CTNNA3: variants seen among roughly 807,000 people sequenced by gnomAD.
The protein encoded by CTNNA3 is catenin alpha-3.
In CTNNA3, 76 loss-of-function variants were observed where a neutral mutation model predicts 95.7. That is an observed-to-expected ratio of 0.79 (90% CI 0.66 to 0.96). The LOEUF is 0.96. CTNNA3 is among the 40% of genes least tolerant of loss of function. The pLI, the probability that CTNNA3 is intolerant of heterozygous loss-of-function variation, is 0.00. For missense variants in CTNNA3, 1,191 were observed against 1,089.8 expected (o/e 1.09, Z -1.31); for synonymous variants, 431 against 374.4 (o/e 1.15, Z -1.74).
chr10:66,150,545 C>T (rs1328819313), intron 13 of CTNNA3, among the ~76,000 whole-genome samples: 1 of 151,636 alleles, frequency 6.6e-6, no homozygotes, highest in Non-Finnish European at 1.5e-5. Flanking sequence ...TTATGGGCTA[C>T]ATGTAATATT....
intron 17 of CTNNA3, among the ~76,000 whole-genome samples, chr10:65,935,490 G>T (rs903119567): frequency 6.6e-6 from 1 of 152,100 alleles, no homozygotes; most frequent in Non-Finnish European, 1.5e-5. Context: ...TAGAGTTTTG[G>T]TGATTTGAAA....
chr10:66,221,729 A>C (rs2088939554), intron 13 of CTNNA3, among the ~76,000 whole-genome samples: 1 of 152,268 alleles, frequency 6.6e-6, no homozygotes, highest in Non-Finnish European at 1.5e-5. Flanking sequence ...AGGTCAGTTA[A>C]CTTTTAGAAG....
chr10:67,550,875 G>C (rs1841004684), intron 3 of CTNNA3, among the ~76,000 whole-genome samples: 1 of 151,790 alleles, frequency 6.6e-6, no homozygotes, highest in African/African-American at 2.4e-5. Flanking sequence ...CTACTCCCAT[G>C]AAACTTACAG....
intron 15 of CTNNA3, among the ~76,000 whole-genome samples, chr10:66,023,292 A>C (rs2079260909): frequency 6.6e-6 from 1 of 152,222 alleles, no homozygotes; most frequent in Admixed American, 6.5e-5. Flanking sequence ...CAACAGAGGA[A>C]TCAGTCACAA....
rs144528658 is a variant in CTNNA3 at position 67,533,905 on chromosome 10, T to C, written c.459+5598A>G. 6.6e-4 allele frequency among the ~76,000 whole-genome samples: 100 copies of C among 151,930 alleles called. 1 individual carries two copies. Among genetic ancestry groups the C allele is most frequent in the Non-Finnish European group, 1.4e-3 (92 of 67,976 alleles). On this transcript the variant is annotated intron_variant, in intron 4 of 17. Transcript: ENST00000433211. ...TAAAAGGAAATATACTTCAACGGGA[T>C]TGAAAAAAATCTGTTATGTAAGAAA...
At chr10:67,515,575 A>G (rs1407107923) in intron 5 of CTNNA3, among the ~76,000 whole-genome samples, 3 of 152,346 alleles carry the variant, frequency 2.0e-5, no homozygotes, top group East Asian at 1.9e-4. Flanking sequence ...ATGCTTTGAA[A>G]TCTTCAGAAA....
At chr10:67,759,137 G>A (rs562322649) in intron 1 of CTNNA3, among the ~76,000 whole-genome samples, 1 of 152,282 alleles carries the variant, frequency 6.6e-6, no homozygotes, top group African/African-American at 2.4e-5. Context: ...ACGGTCATTT[G>A]CAATGCAGCA....
chr10:66,463,510 A>G (rs1223463209), intron 11 of CTNNA3, among the ~76,000 whole-genome samples: 1 of 152,164 alleles, frequency 6.6e-6, no homozygotes, highest in East Asian at 1.9e-4. Flanking sequence ...CCAACAGACT[A>G]AAACAAAATT....
chr10:67,227,643 CAA>C (rs1344240001), intron 5 of CTNNA3, among the ~76,000 whole-genome samples: 2 of 152,044 alleles, frequency 1.3e-5, no homozygotes, highest in East Asian at 3.9e-4. Flanking sequence ...GTCATCAAGA[CAA>C]AAAGTCAACA....
intron 12 of CTNNA3, among the ~76,000 whole-genome samples, chr10:66,375,589 C>CAA (rs35007442): frequency 0.019 from 2,661 of 139,104 alleles, 90 homozygotes; most frequent in South Asian, 0.16. Flanking sequence ...GCTGCAATGC[C>CAA]AAAAAAAAAA....
chr10:66,316,924 G>A (rs1176636879), intron 12 of CTNNA3, among the ~76,000 whole-genome samples: 1 of 151,924 alleles, frequency 6.6e-6, no homozygotes, highest in Admixed American at 6.6e-5. Context: ...ATAAAATTTA[G>A]ACAAAACGTT....
At chr10:67,439,427 G>A (rs889875719) in intron 5 of CTNNA3, among the ~76,000 whole-genome samples, 5 of 152,128 alleles carry the variant, frequency 3.3e-5, no homozygotes, top group Non-Finnish European at 7.4e-5. Context: ...CAAAGGGGAA[G>A]CAAGCACATC....
intron 7 of CTNNA3, among the ~76,000 whole-genome samples, chr10:66,952,152 C>T (rs968950329): frequency 1.3e-4 from 20 of 152,198 alleles, no homozygotes; most frequent in African/African-American, 4.8e-4. Context: ...ACGTCAACCA[C>T]CACTGGAGGG....
At chr10:66,816,410 A>T (rs4462227) in intron 7 of CTNNA3, among the ~76,000 whole-genome samples, 26,387 of 152,078 alleles carry the variant, frequency 0.17, 2,785 homozygotes, top group Non-Finnish European at 0.25. Context: ...ATGGATTTTT[A>T]AAAATAATAC....
intron 1 of CTNNA3, among the ~76,000 whole-genome samples, chr10:67,713,740 A>G (rs564829531): frequency 2.0e-5 from 3 of 152,316 alleles, no homozygotes; most frequent in Non-Finnish European, 4.4e-5. Context: ...AACAATGAAA[A>G]TAGATGGACA....
At chr10:67,114,159 AATT>A (rs1245459645) in intron 7 of CTNNA3, among the ~76,000 whole-genome samples, 2 of 152,110 alleles carry the variant, frequency 1.3e-5, no homozygotes, top group African/African-American at 4.8e-5. Flanking sequence ...TTCTGTTCCC[AATT>A]ATTATATAAT....
intron 10 of CTNNA3, among the ~76,000 whole-genome samples, chr10:66,582,047 C>G (rs1001773967): frequency 1.3e-5 from 2 of 151,738 alleles, no homozygotes; most frequent in African/African-American, 4.8e-5. Context: ...GTTACGTTAG[C>G]CTTGTAGTAA....
chr10:66,446,578 T>C (rs1288751260), intron 11 of CTNNA3, among the ~76,000 whole-genome samples: 1 of 151,860 alleles, frequency 6.6e-6, no homozygotes, highest in African/African-American at 2.4e-5. Flanking sequence ...AAAAACCACA[T>C]GATTATCTCA....
intron 15 of CTNNA3, among the ~76,000 whole-genome samples, chr10:66,025,253 C>G (rs1167478852): frequency 6.6e-6 from 1 of 152,146 alleles, no homozygotes; most frequent in Non-Finnish European, 1.5e-5. Context: ...AGATTTAATC[C>G]CATACAGCCC....
Sources: gnomAD v4.1 joint callset for allele counts (sites outside exome capture counted in the v4.1 genomes callset) on GRCh38, gnomAD v4.1.1 for gene constraint, MANE v1.5 for transcripts, NCBI Gene and HGNC (gene_info 2026-07-23, HGNC 2026-07-21) for gene names.